DLG2: variants seen among roughly 807,000 people sequenced by gnomAD.
The protein encoded by DLG2 is discs large MAGUK scaffold protein 2, also known as disks large homolog 2.
Under a neutral mutation model 132.5 loss-of-function variants are expected in DLG2, and 45 were observed. The ratio of observed to expected loss-of-function variants is 0.34; its 90% confidence interval spans 0.27 to 0.44. The LOEUF is 0.44. Ranked by LOEUF, DLG2 falls within the 20% of genes least tolerant of loss-of-function variation. DLG2 has a pLI of 1.00. For synonymous variants in DLG2, 424 were observed against 419.6 expected (o/e 1.01, Z -0.13); for missense variants, 1,045 against 1,196.9 (o/e 0.87, Z 1.87).
intron 6 of DLG2, among the ~76,000 whole-genome samples, chr11:84,764,904 G>T (rs1039397392): frequency 2.0e-5 from 3 of 152,060 alleles, no homozygotes; most frequent in Non-Finnish European, 2.9e-5. Context: ...CATGGAGGAT[G>T]AATGTGTGTA....
intron 4 of DLG2, among the ~76,000 whole-genome samples, chr11:85,254,435 TA>T (rs1399012652): frequency 6.6e-6 from 1 of 152,248 alleles, no homozygotes; most frequent in Non-Finnish European, 1.5e-5. Context: ...TACCTTTGTG[TA>T]ATAGCATTAT....
At chr11:85,603,606 T>A (rs1176866029) in intron 2 of DLG2, among the ~76,000 whole-genome samples, 1 of 151,934 alleles carries the variant, frequency 6.6e-6, no homozygotes, top group Admixed American at 6.6e-5. Context: ...ATTACCCTAG[T>A]CGTTTATTCT....
chr11:84,273,343 T>C, intron 7 of DLG2: 4 of 1,300,788 alleles, frequency 3.1e-6, no homozygotes, highest in Non-Finnish European at 3.9e-6. Flanking sequence ...TGCAGATCTG[T>C]TACATAAACT....
At chr11:84,325,461 A>G (rs762517294) in intron 7 of DLG2, among the ~76,000 whole-genome samples, 7 of 152,058 alleles carry the variant, frequency 4.6e-5, no homozygotes, top group Admixed American at 4.6e-4. Context: ...AAATGAAATA[A>G]ATGTGTCAAT....
chr11:83,875,199 TC>T, intron 15 of DLG2, among the ~76,000 whole-genome samples: 1 of 152,260 alleles, frequency 6.6e-6, no homozygotes, highest in Middle Eastern at 3.4e-3. Flanking sequence ...ATATCAATCT[TC>T]AAATTTAATG....
Position 84,325,136 on chromosome 11 carries a change from T to C in DLG2, c.520-73845A>G, listed in dbSNP as rs535457026. 1.1e-4 allele frequency among the ~76,000 whole-genome samples: 17 copies of C among 152,274 alleles called. No individual in the cohort carries two copies. The South Asian group carries it at 3.5e-3, about 32-fold the overall frequency. On this transcript the variant is annotated intron_variant, in intron 7 of 27. Transcript: ENST00000376104. ...AGTTTTTCACCATTGAGTATGGTGT[T>C]TAGCTTAGGACTTTTCATATCTGAT...
At chr11:84,209,044 A>G (rs1026536092) in intron 8 of DLG2, among the ~76,000 whole-genome samples, 4 of 152,350 alleles carry the variant, frequency 2.6e-5, no homozygotes, top group African/African-American at 7.2e-5. Flanking sequence ...GATAATATAC[A>G]TACATATATT....
chr11:84,591,140 G>A (rs2099541695), intron 6 of DLG2, among the ~76,000 whole-genome samples: 1 of 151,462 alleles, frequency 6.6e-6, no homozygotes, highest in Non-Finnish European at 1.5e-5. Context: ...CGACCATACT[G>A]TCATACTCCA....
At chr11:83,972,463 G>A (rs1793809676) in intron 12 of DLG2, among the ~76,000 whole-genome samples, 1 of 152,024 alleles carries the variant, frequency 6.6e-6, no homozygotes, top group African/African-American at 2.4e-5. Flanking sequence ...GCTGTTCAGG[G>A]CTCTTTATGT....
chr11:85,048,268 A>G (rs2062549488), intron 6 of DLG2, among the ~76,000 whole-genome samples: 1 of 151,978 alleles, frequency 6.6e-6, no homozygotes, highest in Non-Finnish European at 1.5e-5. Flanking sequence ...CTTCTATGCA[A>G]TATTAGTTTT....
At chr11:83,903,202 G>C (rs1249866209) in intron 15 of DLG2, among the ~76,000 whole-genome samples, 2 of 151,704 alleles carry the variant, frequency 1.3e-5, no homozygotes, top group Non-Finnish European at 2.9e-5. Flanking sequence ...TAAATTTGAT[G>C]ATCTAGTATT....
intron 3 of DLG2, among the ~76,000 whole-genome samples, chr11:85,403,115 G>T (rs993132468): frequency 6.6e-6 from 1 of 152,126 alleles, no homozygotes; most frequent in Non-Finnish European, 1.5e-5. Flanking sequence ...ACAATAGACT[G>T]GATTAAGAAA....
At chr11:83,602,851 A>T (rs2058761649) in intron 19 of DLG2, among the ~76,000 whole-genome samples, 1 of 151,844 alleles carries the variant, frequency 6.6e-6, no homozygotes, top group African/African-American at 2.4e-5. Flanking sequence ...AATTTTACTT[A>T]TTTATAATTC....
intron 14 of DLG2, among the ~76,000 whole-genome samples, chr11:83,945,463 T>C (rs2083605341): frequency 6.6e-6 from 1 of 152,056 alleles, no homozygotes; most frequent in African/African-American, 2.4e-5. Flanking sequence ...CTCTTCCAGG[T>C]TTTCGTTCCT....
intron 7 of DLG2, among the ~76,000 whole-genome samples, chr11:84,463,231 G>C (rs1226351043): frequency 6.6e-6 from 1 of 151,136 alleles, no homozygotes; most frequent in Non-Finnish European, 1.5e-5. Flanking sequence ...CTTTTCCTCA[G>C]ACAGAGGCTT....
At chr11:84,920,713 ATGTG>A (rs34997443) in intron 6 of DLG2, among the ~76,000 whole-genome samples, 1 of 151,050 alleles carries the variant, frequency 6.6e-6, no homozygotes, top group Non-Finnish European at 1.5e-5. Context: ...GTTTGTAAAT[ATGTG>A]TGTGTGTGTG....
At chr11:83,679,991 G>T (rs2078465303) in intron 18 of DLG2, among the ~76,000 whole-genome samples, 1 of 152,088 alleles carries the variant, frequency 6.6e-6, no homozygotes. Flanking sequence ...ATTAACATTT[G>T]CCTCTTTCGC....
At position 83,541,702 on chromosome 11, in the gene DLG2, C is replaced by G. The variant is rs375626621; in HGVS notation, c.2097G>C (p.Gly699=). The G allele has an allele frequency of 1.2e-6, 2 of 1,609,038 alleles. No individual in the cohort carries two copies. Among genetic ancestry groups the G allele is most frequent in the Non-Finnish European group, 1.7e-6 (2 of 1,177,728 alleles). ...VMLEGDSEEM[G]VIPSKRRVER... ...CTTACCTCCTTTTGCTGGGGATGAC[C>G]CCCATCTCCTCACTGTCTCCCTCCA... The change falls in exon 20 of 28, where the codon GGG becomes GGC. Residue 699 remains glycine (G), a synonymous_variant. Transcript: ENST00000376104.
intron 3 of DLG2, among the ~76,000 whole-genome samples, chr11:85,295,626 T>A (rs1452936206): frequency 6.6e-6 from 1 of 152,132 alleles, no homozygotes; most frequent in African/African-American, 2.4e-5. Context: ...ACAGTATGCA[T>A]AATAGAATGT....
Sources: allele counts gnomAD v4.1 joint callset (sites outside exome capture counted in the v4.1 genomes callset), GRCh38; gene constraint gnomAD v4.1.1; transcripts MANE v1.5; gene names NCBI Gene and HGNC (gene_info 2026-07-23, HGNC 2026-07-21).